GSDME: variants seen among roughly 807,000 people sequenced by gnomAD.
The protein encoded by GSDME is gasdermin-E.
A neutral mutation model predicts 47.5 loss-of-function variants in GSDME; 44 were observed. That is an observed-to-expected ratio of 0.93 (90% CI 0.73 to 1.19). The LOEUF is 1.19. Among genes scored for constraint, GSDME ranks in the 50% most tolerant of loss-of-function variants. The probability of loss-of-function intolerance (pLI) is 0.00; values close to 1 mark genes in which losing one functional copy is unlikely to be tolerated. For missense variants in GSDME, 663 were observed against 604.2 expected (o/e 1.10, Z -1.02); for synonymous variants, 258 against 252.8 (o/e 1.02, Z -0.20).
intron 5 of GSDME, among the ~76,000 whole-genome samples, chr7:24,715,175 A>G (rs931231771): frequency 6.6e-6 from 1 of 152,202 alleles, no homozygotes; most frequent in African/African-American, 2.4e-5. Context: ...TCACAGAAGC[A>G]GGGGGTAGAC....
Position 24,721,837 on chromosome 7 carries a change from T to C in GSDME, c.405-2619A>G, listed in dbSNP as rs2237314. Among the ~76,000 whole-genome samples the C allele has an allele frequency of 3.8e-3, 574 of 152,324 alleles. 17 individuals are homozygous for C. In the East Asian group the frequency reaches 0.082, roughly 22 times the overall value. On this transcript the variant is annotated intron_variant, in intron 3 of 9. Coordinates refer to ENST00000645220, the MANE Select transcript of GSDME (RefSeq NM_001127453.2). The surrounding 1 kb of genome is among the most constrained non-coding windows in gnomAD (Gnocchi z 4.1). ...CCCATGTGATCTGCCCTGCCCCCTG[T>C]TGACTTTATCTTCCAGCCTTCTTAC... is the stretch of plus-strand genomic sequence containing the variant.
intron 3 of GSDME, among the ~76,000 whole-genome samples, chr7:24,720,963 TGAA>T (rs770980400): frequency 6.6e-6 from 1 of 150,984 alleles, no homozygotes; most frequent in Non-Finnish European, 1.5e-5. Context: ...GGGTGAACCT[TGAA>T]GACATTATGC....
At chr7:24,711,799 A>G (rs1789365044) in intron 5 of GSDME, among the ~76,000 whole-genome samples, 1 of 144,268 alleles carries the variant, frequency 6.9e-6, no homozygotes, top group Non-Finnish European at 1.5e-5. Flanking sequence ...TGGGCAATAG[A>G]GCAAGACCTT....
chr7:24,780,444 C>G, the GSDME span, among the ~76,000 whole-genome samples: 15 of 152,122 alleles, frequency 9.9e-5, no homozygotes, highest in Admixed American at 9.8e-4. This position sits in a 1 kb window ranked among gnomAD's most constrained non-coding sequence, Gnocchi z 4.1. Flanking sequence ...TTGAGCATAA[C>G]CAAGAAACAT....
chr7:24,786,055 A>ATAG, the GSDME span, among the ~76,000 whole-genome samples: 1 of 152,210 alleles, frequency 6.6e-6, no homozygotes, highest in Non-Finnish European at 1.5e-5. This position sits in a 1 kb window ranked among gnomAD's most constrained non-coding sequence, Gnocchi z 5.5. Context: ...GTGGTCACGA[A>ATAG]TAGTTGTTGA....
the GSDME span, among the ~76,000 whole-genome samples, chr7:24,774,878 CCT>C: frequency 2.1e-3 from 318 of 152,234 alleles, 4 homozygotes; most frequent in African/African-American, 7.3e-3. Flanking sequence ...AAACCCAGCC[CCT>C]GTCTTTCATT....
the GSDME span, among the ~76,000 whole-genome samples, chr7:24,789,608 G>A: frequency 6.6e-6 from 1 of 152,232 alleles, no homozygotes; most frequent in African/African-American, 2.4e-5. Flanking sequence ...GTCAGGAGTT[G>A]ATTTTTAACT....
At chr7:24,708,902 GTTTT>G (rs903975498) in intron 6 of GSDME, among the ~76,000 whole-genome samples, 5 of 151,864 alleles carry the variant, frequency 3.3e-5, no homozygotes, top group African/African-American at 1.2e-4. Flanking sequence ...TTGTTTTTTG[GTTTT>G]TTTGTTTGTT....
chr7:24,745,233 C>G lies in GSDME; in HGVS notation c.212-479G>C, dbSNP rs182730521. 6.6e-6 allele frequency among the ~76,000 whole-genome samples: 1 copy of G among 152,258 alleles called. No individual in the cohort carries two copies. The highest frequency in any genetic ancestry group is 1.9e-4 in the East Asian group (1 of 5,184). On this transcript the variant is annotated intron_variant, in intron 2 of 9. Coordinates refer to ENST00000645220, the MANE Select transcript of GSDME (RefSeq NM_001127453.2). This position sits in a 1 kb window ranked among gnomAD's most constrained non-coding sequence, Gnocchi z 4.4. Reference sequence around the variant, plus strand: ...TTTCCAGGGTGAAGACTGAAAGGGACTAGACAAAGAAGACAACTAAACAGA... The same window carrying G: ...TTTCCAGGGTGAAGACTGAAAGGGAGTAGACAAAGAAGACAACTAAACAGA...
rs141354626 is a variant in GSDME at position 24,722,846 on chromosome 7, G to A, written c.405-3628C>T. Among the ~76,000 whole-genome samples the A allele has an allele frequency of 2.5e-4, 38 of 152,370 alleles. 1 individual carries two copies. The highest frequency in any genetic ancestry group is 9.1e-4 in the African/African-American group (38 of 41,588). Reference sequence around the variant, plus strand: ...CAGGCAACTGCCTGCTGTATCCGATGACAGGGCAGTCCTGAGACGCTTGCT... The same window carrying A: ...CAGGCAACTGCCTGCTGTATCCGATAACAGGGCAGTCCTGAGACGCTTGCT... On this transcript the variant is annotated intron_variant, in intron 3 of 9. Transcript: ENST00000645220.
In GSDME at chr7:24,742,364, T is replaced by C. The variant is rs917569041; in HGVS notation, c.404+2198A>G. On this transcript the variant is annotated intron_variant, in intron 3 of 9. Transcript: ENST00000645220. This position sits in a 1 kb window ranked among gnomAD's most constrained non-coding sequence, Gnocchi z 4.4. The stretch of plus-strand genomic sequence containing the variant: ...GTTATTTCTCCTTCCTGAGCCTTGG[T>C]GCCATTAAGTGTAAAAGGAGATGGC... Among the ~76,000 whole-genome samples, 1 of 152,210 alleles carries C rather than the reference T, an allele frequency of 6.6e-6. No individual in the cohort carries two copies. The highest frequency in any genetic ancestry group is 1.5e-5 in the Non-Finnish European group (1 of 68,040).
intron 1 of GSDME, among the ~76,000 whole-genome samples, chr7:24,750,434 T>C (rs532511882): frequency 5.7e-4 from 87 of 152,156 alleles, no homozygotes; most frequent in African/African-American, 1.8e-3. Flanking sequence ...CTGGGCAACA[T>C]AGCAAAACTC....
At chr7:24,779,525 G>C in the GSDME span, among the ~76,000 whole-genome samples, 1 of 151,754 alleles carries the variant, frequency 6.6e-6, no homozygotes, top group Non-Finnish European at 1.5e-5. This position sits in a 1 kb window ranked among gnomAD's most constrained non-coding sequence, Gnocchi z 6.0. Flanking sequence ...GTGTGTGTGT[G>C]TGTGTCTGTG....
chr7:24,752,569 GTCATGCTGGTATCCCAGGT>G (rs2128067108), intron 1 of GSDME, among the ~76,000 whole-genome samples: 1 of 152,200 alleles, frequency 6.6e-6, no homozygotes, highest in East Asian at 1.9e-4. Context: ...TCCCTGGGGT[GTCATGCTGGTATCCCAGGT>G]GCAGGCTGGG....
At chr7:24,787,729 CAG>C in the GSDME span, among the ~76,000 whole-genome samples, 3 of 151,812 alleles carry the variant, frequency 2.0e-5, no homozygotes, top group African/African-American at 7.2e-5. This position sits in a 1 kb window ranked among gnomAD's most constrained non-coding sequence, Gnocchi z 5.0. Context: ...GTTTTTGAGA[CAG>C]AGTCTCGCTC....
the GSDME span, among the ~76,000 whole-genome samples, chr7:24,790,717 G>C: frequency 6.6e-6 from 1 of 152,152 alleles, no homozygotes; most frequent in Non-Finnish European, 1.5e-5. This position sits in a 1 kb window ranked among gnomAD's most constrained non-coding sequence, Gnocchi z 4.1. Flanking sequence ...GTGACCATAG[G>C]GGGCTCAGAT....
At chr7:24,715,159 C>G (rs1301098548) in intron 5 of GSDME, among the ~76,000 whole-genome samples, 2 of 152,152 alleles carry the variant, frequency 1.3e-5, no homozygotes, top group Admixed American at 6.5e-5. Flanking sequence ...CTGAAAAAAG[C>G]TGAACTCACA....
At chr7:24,719,254 C>G (rs1280709402) in intron 3 of GSDME, 36 bp from the exon 4 acceptor site, 9 of 1,596,950 alleles carry the variant, frequency 5.6e-6, no homozygotes, top group African/African-American at 1.3e-5. Context: ...GGCTTAGTGC[C>G]TCAGGGGACA....
intron 3 of GSDME, among the ~76,000 whole-genome samples, chr7:24,730,047 GCTATGT>G (rs1790094604): frequency 6.6e-6 from 1 of 152,200 alleles, no homozygotes; most frequent in East Asian, 1.9e-4. Flanking sequence ...TGAAGAAGGA[GCTATGT>G]CTGATATTCA....
Sources: gnomAD v4.1 joint callset for allele counts (sites outside exome capture counted in the v4.1 genomes callset) on GRCh38, gnomAD v4.1.1 for gene constraint, Gnocchi (gnomAD v3.1) non-coding constraint, MANE v1.5 for transcripts, NCBI Gene and HGNC (gene_info 2026-07-23, HGNC 2026-07-21) for gene names.